ZRANB3: variants seen among roughly 807,000 people sequenced by gnomAD.
ZRANB3 encodes the protein DNA annealing helicase and endonuclease ZRANB3.
In ZRANB3, 125 loss-of-function variants were observed where a neutral mutation model predicts 133.8. The observed-to-expected ratio is 0.93, with a 90% confidence interval of 0.81 to 1.08. The LOEUF (loss-of-function observed/expected upper bound fraction) is 1.08, where lower values mean the gene tolerates loss of function less well. ZRANB3 is among the 50% of genes least tolerant of loss of function. The probability of loss-of-function intolerance (pLI) is 0.00; values close to 1 mark genes in which losing one functional copy is unlikely to be tolerated. For synonymous variants in ZRANB3, 387 were observed against 432.7 expected (o/e 0.89, Z 1.31); for missense variants, 1,229 against 1,275.5 (o/e 0.96, Z 0.56).
At chr2:135,402,260 T>C (rs1268941067) in intron 2 of ZRANB3, among the ~76,000 whole-genome samples, 1 of 152,046 alleles carries the variant, frequency 6.6e-6, no homozygotes, top group Non-Finnish European at 1.5e-5. Context: ...ATGTAAACTT[T>C]ATTGCATATA....
At chr2:135,335,987 C>A (rs1211426776) in intron 6 of ZRANB3, among the ~76,000 whole-genome samples, 1 of 152,150 alleles carries the variant, frequency 6.6e-6, no homozygotes, top group Admixed American at 6.6e-5. Context: ...ACTGGGTGAT[C>A]TCCAAAGTCT....
In ZRANB3 at chr2:135,480,865, T is replaced by C. The variant is rs537547177; in HGVS notation, c.161+23464A>G. On this transcript the variant is annotated intron_variant, in intron 2 of 20. Coordinates refer to ENST00000264159, the MANE Select transcript of ZRANB3 (RefSeq NM_032143.4). ...CACCTATGAGTGAGAATATGCGGTG[T>C]TTGGTTTTTTGTTCTTGTGATAGTT... 2.1e-3 allele frequency among the ~76,000 whole-genome samples: 283 copies of C among 134,886 alleles called. 3 individuals carry two copies. The highest frequency in any genetic ancestry group is 8.1e-3 in the African/African-American group (260 of 32,098). The allele number at this position is 134,886 out of a possible 152,430, so 88.5% of individuals were successfully genotyped here.
At chr2:135,351,387 C>A (rs1453579961) in intron 4 of ZRANB3, among the ~76,000 whole-genome samples, 1 of 151,416 alleles carries the variant, frequency 6.6e-6, no homozygotes, top group Non-Finnish European at 1.5e-5. Flanking sequence ...CCTGTCTCAG[C>A]CTCCCGAGTA....
intron 2 of ZRANB3, among the ~76,000 whole-genome samples, chr2:135,482,922 T>C (rs1232374749): frequency 6.6e-6 from 1 of 151,946 alleles, no homozygotes; most frequent in Non-Finnish European, 1.5e-5. Context: ...ATTACATTTA[T>C]TGATTTGCAT....
chr2:135,514,596 T>C (rs1296091804), intron 1 of ZRANB3, among the ~76,000 whole-genome samples: 2 of 152,164 alleles, frequency 1.3e-5, no homozygotes, highest in Non-Finnish European at 2.9e-5. Flanking sequence ...AACAGACAAT[T>C]TGACTTCCTC....
chr2:135,393,077 A>G (rs1160660237), intron 2 of ZRANB3, among the ~76,000 whole-genome samples: 1 of 152,030 alleles, frequency 6.6e-6, no homozygotes, highest in Admixed American at 6.6e-5. Flanking sequence ...TATGTTGTTC[A>G]GGTTGGTCTA....
At chr2:135,304,825 G>A (rs1164139072) in intron 8 of ZRANB3, among the ~76,000 whole-genome samples, 1 of 152,004 alleles carries the variant, frequency 6.6e-6, no homozygotes, top group Non-Finnish European at 1.5e-5. Context: ...AGTTGTTAAT[G>A]ATATTCTCTT....
intron 12 of ZRANB3, among the ~76,000 whole-genome samples, chr2:135,232,162 A>G (rs1695054085): frequency 6.6e-6 from 1 of 152,172 alleles, no homozygotes; most frequent in Admixed American, 6.5e-5. Flanking sequence ...CCTGGCTCAG[A>G]GGGTCCTACA....
chr2:135,470,487 A>G (rs1408050300), intron 2 of ZRANB3, among the ~76,000 whole-genome samples: 3 of 152,028 alleles, frequency 2.0e-5, no homozygotes, highest in African/African-American at 7.2e-5. Flanking sequence ...GGAGTTTGAG[A>G]TTAGCCTGAC....
intron 2 of ZRANB3, among the ~76,000 whole-genome samples, chr2:135,414,001 G>A (rs1688436351): frequency 6.6e-6 from 1 of 152,016 alleles, no homozygotes; most frequent in Non-Finnish European, 1.5e-5. Flanking sequence ...GCAAAATCAT[G>A]CCAAAATGTA....
intron 3 of ZRANB3, among the ~76,000 whole-genome samples, chr2:135,372,220 C>T (rs867213904): frequency 1.3e-5 from 2 of 151,682 alleles, no homozygotes; most frequent in Admixed American, 6.6e-5. Context: ...AAAGCAATCT[C>T]ACCCCTTCTG....
At chr2:135,453,851 C>T (rs182052578) in intron 2 of ZRANB3, among the ~76,000 whole-genome samples, 167 of 152,370 alleles carry the variant, frequency 1.1e-3, no homozygotes, top group African/African-American at 3.7e-3. Context: ...TCCAAAGTCA[C>T]TTCCACATTT....
intron 2 of ZRANB3, among the ~76,000 whole-genome samples, chr2:135,393,630 G>A (rs1687345856): frequency 1.3e-5 from 2 of 151,956 alleles, no homozygotes; most frequent in Admixed American, 1.3e-4. Flanking sequence ...TAAGTGAAAA[G>A]GGAAACCAAG....
At chr2:135,266,112 G>A (rs1451936733) in intron 11 of ZRANB3, among the ~76,000 whole-genome samples, 2 of 152,132 alleles carry the variant, frequency 1.3e-5, no homozygotes, top group Non-Finnish European at 2.9e-5. Context: ...GGGAGGGTAA[G>A]GCAGAAGAAT....
intron 8 of ZRANB3, among the ~76,000 whole-genome samples, chr2:135,297,225 C>T (rs190996686): frequency 0.01 from 1,527 of 152,326 alleles, 23 homozygotes; most frequent in African/African-American, 0.035. Context: ...TGGGCTCCAC[C>T]GAGTTCGAGC....
At chr2:135,373,792 GA>G in intron 3 of ZRANB3, among the ~76,000 whole-genome samples, 1 of 32,334 alleles carries the variant, frequency 3.1e-5, no homozygotes, top group African/African-American at 8.8e-5. Flanking sequence ...AAAAAGAAAA[GA>G]AAAGAAAGAG....
chr2:135,215,492 G>C (rs1694267758), intron 17 of ZRANB3, among the ~76,000 whole-genome samples: 1 of 151,260 alleles, frequency 6.6e-6, no homozygotes, highest in Non-Finnish European at 1.5e-5. Context: ...GGCTCAAGCA[G>C]TCTGTCCTCC....
intron 3 of ZRANB3, among the ~76,000 whole-genome samples, chr2:135,383,841 G>C (rs1405292272): frequency 1.3e-5 from 2 of 152,120 alleles, no homozygotes; most frequent in East Asian, 3.9e-4. Context: ...CACATTTAAA[G>C]CAGTGTGTAG....
At chr2:135,442,810 T>A (rs562472247) in intron 2 of ZRANB3, among the ~76,000 whole-genome samples, 1 of 152,198 alleles carries the variant, frequency 6.6e-6, no homozygotes, top group African/African-American at 2.4e-5. Flanking sequence ...TGTCCATCAA[T>A]AATAGACTGG....
Sources: gnomAD v4.1 joint callset for allele counts (sites outside exome capture counted in the v4.1 genomes callset) on GRCh38, gnomAD v4.1.1 for gene constraint, MANE v1.5 for transcripts, NCBI Gene and HGNC (gene_info 2026-07-23, HGNC 2026-07-21) for gene names.